The following GOLM1 variants were observed in gnomAD, a reference collection of about 807,000 sequenced individuals.
GOLM1 encodes epididymis luminal protein 46.
Under a neutral mutation model 50.5 loss-of-function variants are expected in GOLM1, and 31 were observed. The observed-to-expected ratio is 0.61, with a 90% confidence interval of 0.46 to 0.83. GOLM1 has a LOEUF of 0.83. Among genes scored for constraint, GOLM1 ranks in the 40% least tolerant of loss-of-function variants. GOLM1 has a pLI of 0.00. For synonymous variants in GOLM1, 178 were observed against 192.8 expected, an observed-to-expected ratio of 0.92 and a Z score of 0.64; for missense variants, 491 against 501.3, an observed-to-expected ratio of 0.98 and a Z score of 0.20.
At chr9:86,072,486 C>T (rs1351773171) in intron 3 of GOLM1, among the ~76,000 whole-genome samples, 2 of 152,084 alleles carry the variant, frequency 1.3e-5, no homozygotes, top group African/African-American at 2.4e-5. Flanking sequence ...CTGAGGACCT[C>T]GAGATCCACG....
In GOLM1 at chr9:86,077,497, T is replaced by G; in HGVS notation, c.224A>C (p.Glu75Ala). 6.2e-7 allele frequency: 1 copy of G among 1,613,556 alleles called. No homozygotes were observed. The highest frequency in any genetic ancestry group is 8.5e-7 in the Non-Finnish European group (1 of 1,179,418). Residue 75 changes from glutamate to alanine, a missense_variant, in exon 3 of 10, where the codon GAG becomes GCG. Physicochemically the swap from Glu to Ala is moderately radical, Grantham distance 107 (BLOSUM62 -1). Coordinates refer to ENST00000388712, the MANE Select transcript of GOLM1 (RefSeq NM_016548.4). ...TTTGTCAAGCTGCTCCCGCTGCTTC[T>G]CCAGCTCTCCCTGGAACTCGTTCTT... ...LKKNEFQGEL[E>A]KQREQLDKIQ... is the part of the protein sequence containing the mutation.
intron 4 of GOLM1, 69 bp downstream of exon 4, chr9:86,052,468 G>C (rs2118729802): frequency 2.3e-6 from 3 of 1,330,988 alleles, no homozygotes; most frequent in South Asian, 2.3e-5. Context: ...CCTGGGCCTA[G>C]AGAAGGAGAG....
Position 86,045,690 on chromosome 9 carries a change from G to GTA in GOLM1, c.467+778_467+779dup, listed in dbSNP as rs1233170281. 4.9e-5 allele frequency among the ~76,000 whole-genome samples: 7 copies of GTA among 143,582 alleles called. No homozygotes were observed. In the South Asian group the frequency reaches 8.8e-4, roughly 18 times the overall value. The allele number at this position is 143,582 out of a possible 152,430, so 94.2% of individuals were successfully genotyped here. A position where few individuals can be genotyped will look rare whatever the true frequency, so the allele number is the denominator to read the frequency against. ...TCCGCTCAAGAAAAAAAAAAAAAAA[G>GTA]TATATACACACACACACACACACAC... On this transcript the variant is annotated intron_variant, in intron 5 of 9. Coordinates refer to ENST00000388712, the MANE Select transcript of GOLM1 (RefSeq NM_016548.4).
intron 3 of GOLM1, among the ~76,000 whole-genome samples, chr9:86,053,775 T>TTCC (rs1833901260): frequency 7.8e-6 from 1 of 128,832 alleles, no homozygotes; most frequent in African/African-American, 3.3e-5. Context: ...CACCAAACCA[T>TTCC]ACACATCACA....
chr9:86,082,355 C>A (rs1297821722), intron 1 of GOLM1, among the ~76,000 whole-genome samples: 1 of 149,532 alleles, frequency 6.7e-6, no homozygotes, highest in Non-Finnish European at 1.5e-5. Context: ...AATACCTGGG[C>A]TCCACCACTG....
At chr9:86,089,579 G>A (rs1008939165) in intron 1 of GOLM1, among the ~76,000 whole-genome samples, 1 of 151,986 alleles carries the variant, frequency 6.6e-6, no homozygotes, top group African/African-American at 2.4e-5. Flanking sequence ...GCTTCACGAA[G>A]TTCTCGTGCT....
chr9:86,049,447 C>T (rs983785057), intron 4 of GOLM1, among the ~76,000 whole-genome samples: 24 of 152,246 alleles, frequency 1.6e-4, no homozygotes, highest in African/African-American at 3.9e-4. Context: ...ATTGAATCTA[C>T]AAATTACCTT....
intron 3 of GOLM1, among the ~76,000 whole-genome samples, chr9:86,058,834 TAA>T (rs1364501912): frequency 1.3e-5 from 2 of 151,544 alleles, no homozygotes; most frequent in Non-Finnish European, 2.9e-5. Flanking sequence ...CCATCTCTAC[TAA>T]AACTACAAAA....
chr9:86,030,480 AAAGAT>A (rs1832942138), intron 9 of GOLM1, among the ~76,000 whole-genome samples: 1 of 152,226 alleles, frequency 6.6e-6, no homozygotes, highest in Admixed American at 6.5e-5. Context: ...GAGAAATATA[AAAGAT>A]AATTTTTAGG....
intron 5 of GOLM1, among the ~76,000 whole-genome samples, chr9:86,046,185 G>C (rs1833533294): frequency 6.6e-6 from 1 of 152,194 alleles, no homozygotes; most frequent in Non-Finnish European, 1.5e-5. Context: ...GAGCACCTAT[G>C]AAACACATTT....
chr9:86,040,019 T>C (rs1487312372), intron 6 of GOLM1, among the ~76,000 whole-genome samples: 1 of 151,342 alleles, frequency 6.6e-6, no homozygotes, highest in Non-Finnish European at 1.5e-5. Flanking sequence ...TATGATTCTA[T>C]TGACAGGAAA....
chr9:86,040,906 A>G, intron 5 of GOLM1, 38 bp from the exon 6 acceptor site: 1 of 1,604,758 alleles, frequency 6.2e-7, no homozygotes, highest in Non-Finnish European at 8.5e-7. Context: ...CCTGACGTCT[A>G]TGACTGTGTC....
At position 86,026,453 on chromosome 9, in the gene GOLM1, G is replaced by T; in HGVS notation, c.*1364C>A. The T allele has an allele frequency of 1.0e-6, 1 of 980,398 alleles. No homozygotes were observed. Among genetic ancestry groups the T allele is most frequent in the Non-Finnish European group, 1.2e-6 (1 of 825,398 alleles). The allele number at this position is 980,398 out of a possible 1,614,324, so 60.7% of individuals were successfully genotyped here. A position where few individuals can be genotyped will look rare whatever the true frequency, so the allele number is the denominator to read the frequency against. ...CAGTGACTGTGTGCCTGTAGTCCCA[G>T]CTACTCGGGAGTCTGTGTGAGGCCA... On this transcript the variant is annotated 3_prime_UTR_variant, in exon 10 of 10. Transcript: ENST00000388712.
At chr9:86,075,169 G>A (rs760118923) in intron 3 of GOLM1, among the ~76,000 whole-genome samples, 4 of 152,166 alleles carry the variant, frequency 2.6e-5, no homozygotes, top group African/African-American at 4.8e-5. Context: ...AATCTGCCCC[G>A]TCTTGATCTC....
intron 1 of GOLM1, among the ~76,000 whole-genome samples, chr9:86,080,774 G>C (rs958344135): frequency 2.0e-5 from 3 of 152,016 alleles, no homozygotes; most frequent in African/African-American, 2.4e-5. Context: ...CTCTCAGGAT[G>C]AAAGGGGAAA....
At chr9:86,030,605 G>A (rs973490042) in intron 9 of GOLM1, among the ~76,000 whole-genome samples, 3 of 152,054 alleles carry the variant, frequency 2.0e-5, no homozygotes, top group African/African-American at 7.2e-5. Context: ...ACTGCTCCAC[G>A]ATAAAGAACA....
chr9:86,089,442 C>T (rs556212687), intron 1 of GOLM1, among the ~76,000 whole-genome samples: 306 of 152,176 alleles, frequency 2.0e-3, no homozygotes, highest in African/African-American at 7.1e-3. Context: ...TTGTTGGAGG[C>T]TTTGTTCATT....
intron 8 of GOLM1, 28 bp downstream of exon 8, chr9:86,035,340 A>T: frequency 6.2e-7 from 1 of 1,606,160 alleles, no homozygotes; most frequent in Non-Finnish European, 8.5e-7. Context: ...AAGGGAGTCC[A>T]CAGCGGCCCC....
chr9:86,035,923 G>C (rs1188345567), intron 7 of GOLM1, among the ~76,000 whole-genome samples: 1 of 148,626 alleles, frequency 6.7e-6, no homozygotes, highest in Non-Finnish European at 1.5e-5. Context: ...CCTTGACAAG[G>C]TACAAAGGGA....
Sources: gnomAD v4.1 joint callset for allele counts (sites outside exome capture counted in the v4.1 genomes callset) on GRCh38, gnomAD v4.1.1 for gene constraint, MANE v1.5 for transcripts, NCBI Gene and HGNC (gene_info 2026-07-23, HGNC 2026-07-21) for gene names.